The following RAB3C variants were observed in gnomAD, a reference collection of about 807,000 sequenced individuals.
The protein encoded by RAB3C is ras-related protein Rab-3C.
In RAB3C, 17 loss-of-function variants were observed where a neutral mutation model predicts 26.4. The ratio of observed to expected loss-of-function variants is 0.64; its 90% CI spans 0.44 to 0.97. RAB3C has a LOEUF of 0.97. Ranked by LOEUF, RAB3C falls within the 50% of genes least tolerant of loss-of-function variation. The pLI is 0.00. For missense variants in RAB3C, 242 were observed against 281.9 expected (o/e 0.86, Z 1.01); for synonymous variants, 91 against 95.9 (o/e 0.95, Z 0.30).
intron 2 of RAB3C, among the ~76,000 whole-genome samples, chr5:58,712,591 C>G (rs1465325110): frequency 1.3e-5 from 2 of 152,162 alleles, no homozygotes; most frequent in East Asian, 1.9e-4. Context: ...GTGGAGCGAT[C>G]TTGGCTCACT....
chr5:58,777,585 A>G (rs1260517280), intron 3 of RAB3C, among the ~76,000 whole-genome samples: 1 of 151,620 alleles, frequency 6.6e-6, no homozygotes, highest in Non-Finnish European at 1.5e-5. Context: ...TCTTGAAAGG[A>G]AAGACCATGT....
upstream of RAB3C, chr5:58,583,030 G>A: frequency 7.0e-7 from 1 of 1,436,632 alleles, no homozygotes; most frequent in Non-Finnish European, 9.1e-7. Context: ...AGTGCACGGG[G>A]CTCCTCGGCA....
At chr5:58,630,341 C>A (rs1425744371) in intron 2 of RAB3C, among the ~76,000 whole-genome samples, 1 of 152,096 alleles carries the variant, frequency 6.6e-6, no homozygotes, top group African/African-American at 2.4e-5. Context: ...CTATTGAGGT[C>A]ATCAATGACC....
In RAB3C at chr5:58,628,170, A is replaced by AC. The variant is rs1175586102; in HGVS notation, c.252+10300_252+10301insC. On this transcript the variant is annotated intron_variant, in intron 2 of 4. Transcript: ENST00000282878. The stretch of plus-strand genomic sequence containing the variant: ...AGACTCCGTCTCAAAAAAAAAAAAA[A>AC]AAAAAAAACAGTTTACAAAGCATCG... 1.3e-4 allele frequency among the ~76,000 whole-genome samples: 19 copies of AC among 151,274 alleles called. No homozygotes were observed. The East Asian group carries it at 3.1e-3, about 25-fold the overall frequency.
intron 1 of RAB3C, among the ~76,000 whole-genome samples, chr5:58,586,313 G>A (rs1605739): frequency 0.22 from 33,867 of 151,724 alleles, 4,742 homozygotes; most frequent in Middle Eastern, 0.33. Context: ...TAAAATTTCC[G>A]CCAGATCTCT....
At chr5:58,650,717 G>T (rs577700178) in intron 2 of RAB3C, among the ~76,000 whole-genome samples, 3 of 152,106 alleles carry the variant, frequency 2.0e-5, no homozygotes, top group African/African-American at 7.2e-5. Context: ...ATCTCTAAAG[G>T]TGTATCTGCA....
rs886205866 is a variant in RAB3C at position 58,814,441 on chromosome 5, G to C, written c.372-10597G>C. Among the ~76,000 whole-genome samples, 3 of 152,316 alleles carry C rather than the reference G, an allele frequency of 2.0e-5. No individual in the cohort carries two copies. The East Asian group carries it at 5.8e-4, about 29-fold the overall frequency. ...GGTTCTGGTACCTAAGTGAGGGCAA[G>C]TAAGTACTGGGTTCTAAGTTTAGCT... On this transcript the variant is annotated intron_variant, in intron 3 of 4. Transcript: ENST00000282878.
intron 3 of RAB3C, among the ~76,000 whole-genome samples, chr5:58,772,281 C>T (rs1338876105): frequency 6.6e-6 from 1 of 152,140 alleles, no homozygotes; most frequent in African/African-American, 2.4e-5. Context: ...CAATGTAGTG[C>T]TTCAAGACTA....
At chr5:58,774,629 A>G (rs1195589745) in intron 3 of RAB3C, among the ~76,000 whole-genome samples, 1 of 152,160 alleles carries the variant, frequency 6.6e-6, no homozygotes, top group Non-Finnish European at 1.5e-5. Flanking sequence ...CTTAGAAAAA[A>G]TACAAACAGG....
At position 58,855,781 on chromosome 5, in the gene RAB3C, T is replaced by C. The variant is rs972054337; in HGVS notation, c.*4430T>C. On this transcript the variant is annotated 3_prime_UTR_variant, in exon 5 of 5. Transcript: ENST00000282878. ...TAAAAGATGAAGTTTATGACCAGAA[T>C]AAAAAAGCCTTTACCCCTGCACAGC... 22 of 152,246 alleles carry C rather than the reference T, an allele frequency of 1.4e-4. No individual in the cohort carries two copies. The highest frequency in any genetic ancestry group is 5.1e-4 in the African/African-American group (21 of 41,542). 9.4% of individuals were successfully genotyped at this position (152,246 alleles called of 1,614,324 possible). A position where few individuals can be genotyped will look rare whatever the true frequency, so the allele number is the denominator to read the frequency against.
At chr5:58,787,331 T>G (rs1742414500) in intron 3 of RAB3C, among the ~76,000 whole-genome samples, 4 of 152,318 alleles carry the variant, frequency 2.6e-5, no homozygotes, top group African/African-American at 7.2e-5. Flanking sequence ...GACTACCTCA[T>G]AAGTTGTAAT....
intron 3 of RAB3C, among the ~76,000 whole-genome samples, chr5:58,793,489 G>A (rs796764334): frequency 4.6e-5 from 7 of 150,722 alleles, no homozygotes; most frequent in African/African-American, 1.7e-4. Flanking sequence ...TCCAGGAGGC[G>A]GAGGTTGCAG....
At chr5:58,843,831 A>G (rs187491462) in intron 4 of RAB3C, among the ~76,000 whole-genome samples, 19 of 152,330 alleles carry the variant, frequency 1.2e-4, no homozygotes, top group African/African-American at 4.6e-4. Context: ...GTCACGTCAT[A>G]ACTAAAAACA....
intron 3 of RAB3C, among the ~76,000 whole-genome samples, chr5:58,785,370 T>G (rs1282865669): frequency 6.6e-6 from 1 of 152,250 alleles, no homozygotes; most frequent in African/African-American, 2.4e-5. Flanking sequence ...ACCCCTGCAC[T>G]AAGTGATTTT....
intron 4 of RAB3C, among the ~76,000 whole-genome samples, chr5:58,845,662 G>GTATA (rs1251825096): frequency 7.2e-6 from 1 of 138,018 alleles, no homozygotes; most frequent in Non-Finnish European, 1.6e-5. Flanking sequence ...ATACATATAG[G>GTATA]TATACATATA....
At chr5:58,800,517 A>C (rs1452521228) in intron 3 of RAB3C, among the ~76,000 whole-genome samples, 1 of 152,080 alleles carries the variant, frequency 6.6e-6, no homozygotes, top group Admixed American at 6.5e-5. Flanking sequence ...GTGTTTTTTA[A>C]TGTTTAAGCA....
rs143472207 is a variant in RAB3C at position 58,626,408 on chromosome 5, A to G, written c.252+8538A>G. On this transcript the variant is annotated intron_variant, in intron 2 of 4. Transcript: ENST00000282878. ...ATAAATTTACCAACCAAAATGTTTAATCTGCCTGAACACATTGGTGTTACT... is the reference window on the plus strand; with the variant it reads ...ATAAATTTACCAACCAAAATGTTTAGTCTGCCTGAACACATTGGTGTTACT... Among the ~76,000 whole-genome samples the G allele has an allele frequency of 2.6e-5, 4 of 152,148 alleles. No homozygotes were observed. In the East Asian group the frequency reaches 7.7e-4, roughly 29 times the overall value.
chr5:58,743,956 C>T (rs1217821627), intron 3 of RAB3C, among the ~76,000 whole-genome samples: 5 of 152,262 alleles, frequency 3.3e-5, no homozygotes, highest in African/African-American at 9.6e-5. Flanking sequence ...TTTTCTTATG[C>T]CCTTACCTCT....
At position 58,583,138 on chromosome 5, in the gene RAB3C, G is replaced by T. The variant is rs532179403; in HGVS notation, c.-71G>T. 2.6e-4 allele frequency: 418 copies of T among 1,611,728 alleles called. 1 individual carries two copies. The highest frequency in any genetic ancestry group is 2.2e-4 in the Non-Finnish European group (259 of 1,179,284). On this transcript the variant is annotated 5_prime_UTR_variant, in exon 1 of 5. Coordinates refer to ENST00000282878, the MANE Select transcript of RAB3C (RefSeq NM_138453.4). ...GCAGAGTGTGGAGCGTGGAGCGCCG[G>T]GACTGTGCACGCTTGACCGGAAGCC... is the stretch of plus-strand genomic sequence containing the variant.
Sources: allele counts gnomAD v4.1 joint callset (sites outside exome capture counted in the v4.1 genomes callset), GRCh38; gene constraint gnomAD v4.1.1; transcripts MANE v1.5; gene names NCBI Gene and HGNC (gene_info 2026-07-23, HGNC 2026-07-21).